The following RNF150 variants were observed in gnomAD, a reference collection of about 807,000 sequenced individuals.
RNF150 encodes ring finger protein 150.
A neutral mutation model predicts 39.3 loss-of-function variants in RNF150; 24 were observed. The ratio of observed to expected loss-of-function variants is 0.61; its 90% CI spans 0.44 to 0.86. The LOEUF (loss-of-function observed/expected upper bound fraction) is 0.86. Ranked by LOEUF, RNF150 falls within the 40% of genes least tolerant of loss-of-function variation. The pLI, the probability that RNF150 is intolerant of heterozygous loss-of-function variation, is 0.00. For missense variants in RNF150, 502 were observed against 587.8 expected (o/e 0.85, Z 1.51); for synonymous variants, 255 against 227.3 (o/e 1.12, Z -1.10).
At position 141,132,271 on chromosome 4, in the gene RNF150, T is replaced by C; in HGVS notation, c.484+54A>G. 6.5e-7 allele frequency: 1 copy of C among 1,540,558 alleles called. No homozygotes were observed. Among genetic ancestry groups the C allele is most frequent in the Non-Finnish European group, 8.8e-7 (1 of 1,138,758 alleles). ...CCTGGAGGCAGGCGCTGGATCCCTC[T>C]AGGCACCTCCGTCCCCGCCGGCTCC... On this transcript the variant is annotated intron_variant, in intron 1 of 6. Transcript: ENST00000515673. The surrounding 1 kb of genome is among the most constrained non-coding windows in gnomAD (Gnocchi z 4.9).
At chr4:140,939,606 TTGTGTGTGTGTGTGTGTGTGTGTGTGTG>T (rs142516967) in intron 4 of RNF150, among the ~76,000 whole-genome samples, 23 of 138,586 alleles carry the variant, frequency 1.7e-4, no homozygotes, top group Middle Eastern at 3.7e-3. Context: ...CAAGTGGAGT[TTGTGTGTGTGTGTGTGTGTGTGTGTGTG>T]TGTGTGTGTG....
chr4:141,016,635 T>C (rs1281514110), intron 1 of RNF150, among the ~76,000 whole-genome samples: 1 of 152,204 alleles, frequency 6.6e-6, no homozygotes, highest in Non-Finnish European at 1.5e-5. Flanking sequence ...CTGCCCTGTA[T>C]CAAAAACATA....
intron 1 of RNF150, among the ~76,000 whole-genome samples, chr4:141,057,404 C>CTTTTAAAAAGTTAATTTTAAAAAGTTAA (rs2110908793): frequency 6.6e-6 from 1 of 151,958 alleles, no homozygotes; most frequent in South Asian, 2.1e-4. Flanking sequence ...GGTGTTACTT[C>CTTTTAAAAAGTTAATTTTAAAAAGTTAA]TTTTAAAAAA....
At chr4:141,120,396 G>A (rs1423926557) in intron 1 of RNF150, among the ~76,000 whole-genome samples, 1 of 152,148 alleles carries the variant, frequency 6.6e-6, no homozygotes, top group Non-Finnish European at 1.5e-5. Flanking sequence ...TGAGGGTGGT[G>A]ACTGGGTACT....
At chr4:141,159,668 A>T (rs1727477869) in intron 1 of RNF150, among the ~76,000 whole-genome samples, 1 of 152,036 alleles carries the variant, frequency 6.6e-6, no homozygotes, top group Admixed American at 6.6e-5. Flanking sequence ...ACAGCCTCCC[A>T]AGTAGCTGGG....
In RNF150 at chr4:141,132,853, G is replaced by A; in HGVS notation, c.-45C>T. On this transcript the variant is annotated 5_prime_UTR_variant, in exon 1 of 7. The change creates a new upstream start codon in the 5' untranslated region. Transcript: ENST00000515673. This position sits in a 1 kb window ranked among gnomAD's most constrained non-coding sequence, Gnocchi z 4.9. ...CTCCCCGCCCCCGCGCCCTCCCTCC[G>A]TCCCGTCCCTCCTCCCCAGCCCCGG... The A allele has an allele frequency of 6.6e-7, 1 of 1,510,488 alleles. No individual in the cohort carries two copies. Among genetic ancestry groups the A allele is most frequent in the East Asian group, 2.3e-5 (1 of 42,750 alleles). The allele number at this position is 1,510,488 out of a possible 1,614,324, so 93.6% of individuals were successfully genotyped here.
chr4:141,070,765 C>G lies in RNF150; in HGVS notation c.484+61560G>C, dbSNP rs1255622776. ...TGGAGAGGATGTGGAGAAATAGGAA[C>G]ACTTTTACACTGTTGGTGGGACTGT... On this transcript the variant is annotated intron_variant, in intron 1 of 6. Coordinates refer to ENST00000515673, the MANE Select transcript of RNF150 (RefSeq NM_020724.2). Among the ~76,000 whole-genome samples, 1,278 of 144,230 alleles carry G rather than the reference C, an allele frequency of 8.9e-3. 12 individuals carry two copies. The highest frequency in any genetic ancestry group is 0.03 in the African/African-American group (1,225 of 40,176). 94.6% of individuals were successfully genotyped at this position (144,230 alleles called of 152,430 possible). A position where few individuals can be genotyped will look rare whatever the true frequency, so the allele number is the denominator to read the frequency against.
At chr4:141,124,870 T>C (rs997250640) in intron 1 of RNF150, among the ~76,000 whole-genome samples, 3 of 152,224 alleles carry the variant, frequency 2.0e-5, no homozygotes, top group African/African-American at 7.2e-5. Context: ...TACAGAATTA[T>C]TTCTAAAATA....
At chr4:141,000,029 G>GAA (rs1560679096) in intron 1 of RNF150, among the ~76,000 whole-genome samples, 798 of 36,316 alleles carry the variant, frequency 0.022, 104 homozygotes, top group Non-Finnish European at 0.036. Context: ...AGAAGAAGAA[G>GAA]AAGAAGAAGA....
intron 2 of RNF150, among the ~76,000 whole-genome samples, chr4:140,959,843 G>A (rs762666347): frequency 1.2e-4 from 19 of 152,046 alleles, no homozygotes; most frequent in African/African-American, 2.2e-4. Context: ...ATATGATTGC[G>A]GGAGAGAGGC....
At chr4:140,930,939 G>GA (rs1731610631) in intron 4 of RNF150, among the ~76,000 whole-genome samples, 1 of 124,282 alleles carries the variant, frequency 8.0e-6, no homozygotes, top group Non-Finnish European at 1.8e-5. Context: ...TGGATCTGCT[G>GA]GGGTTTTTTT....
Position 141,132,476 on chromosome 4 carries a change from C to A in RNF150, c.333G>T (p.Pro111=), listed in dbSNP as rs1286697203. 3 of 1,608,670 alleles carry A rather than the reference C, an allele frequency of 1.9e-6. No homozygotes were observed. The South Asian group carries it at 3.4e-5, about 18-fold the overall frequency. Reference sequence around the variant, plus strand: ...GGGCTATCCAGTTCTTGCCGCGGGTCGGGGCGGCGAACTTGGTGTTGGGGT... The same window carrying A: ...GGGCTATCCAGTTCTTGCCGCGGGTAGGGGCGGCGAACTTGGTGTTGGGGT... ...ACDPNTKFAA[P]TRGKNWIALI... is the part of the protein sequence containing the mutation. The change falls in exon 1 of 7, where the codon CCG becomes CCT. Residue 111 remains proline, a synonymous_variant. Transcript: ENST00000515673. The surrounding 1 kb of genome is among the most constrained non-coding windows in gnomAD (Gnocchi z 4.9).
chr4:141,133,002 C>T lies in RNF150; in HGVS notation c.-194G>A, dbSNP rs909374025. The T allele has an allele frequency of 7.0e-5, 37 of 529,372 alleles. No individual in the cohort carries two copies. Among genetic ancestry groups the T allele is most frequent in the South Asian group, 1.8e-4 (8 of 43,496 alleles). 32.8% of individuals were successfully genotyped at this position (529,372 alleles called of 1,614,324 possible). A position where few individuals can be genotyped will look rare whatever the true frequency, so the allele number is the denominator to read the frequency against. On this transcript the variant is annotated 5_prime_UTR_variant, in exon 1 of 7. Coordinates refer to ENST00000515673, the MANE Select transcript of RNF150 (RefSeq NM_020724.2). ...GCGAGCGGATGGCGCTGGCCCCTTC[C>T]CCTCTCAGCTGTAGCGCGGTGGTTG... is the stretch of plus-strand genomic sequence containing the variant.
chr4:140,928,767 C>T (rs1731497621), intron 4 of RNF150, among the ~76,000 whole-genome samples: 2 of 152,016 alleles, frequency 1.3e-5, no homozygotes, highest in South Asian at 2.1e-4. Context: ...AGGATGGTCT[C>T]GATCTCCTGA....
At chr4:141,117,886 T>C (rs1282366136) in intron 1 of RNF150, among the ~76,000 whole-genome samples, 1 of 152,206 alleles carries the variant, frequency 6.6e-6, no homozygotes, top group Non-Finnish European at 1.5e-5. Flanking sequence ...ATTTAATAAA[T>C]AAGTCTGGAA....
At chr4:141,028,815 CA>C (rs1253891779) in intron 1 of RNF150, among the ~76,000 whole-genome samples, 9 of 152,224 alleles carry the variant, frequency 5.9e-5, no homozygotes, top group South Asian at 4.2e-4. Context: ...TGTTTTCCAA[CA>C]GTGAAAATAA....
chr4:140,888,193 G>C (rs953382346), intron 6 of RNF150, among the ~76,000 whole-genome samples: 4 of 152,164 alleles, frequency 2.6e-5, no homozygotes. Context: ...GGTATGTTGG[G>C]GGATGGGGAG....
chr4:140,943,858 A>G (rs977009893), intron 4 of RNF150, among the ~76,000 whole-genome samples: 4 of 152,210 alleles, frequency 2.6e-5, no homozygotes, highest in African/African-American at 9.6e-5. Flanking sequence ...AATCAAAGAA[A>G]AAAAACAGTA....
chr4:140,979,713 T>C (rs1401592178), intron 1 of RNF150, among the ~76,000 whole-genome samples: 1 of 151,984 alleles, frequency 6.6e-6, no homozygotes, highest in East Asian at 1.9e-4. Context: ...ACCTGGATAT[T>C]GTAGGGACCT....
Sources: gnomAD v4.1 joint callset for allele counts (sites outside exome capture counted in the v4.1 genomes callset) on GRCh38, gnomAD v4.1.1 for gene constraint, Gnocchi (gnomAD v3.1) non-coding constraint, MANE v1.5 for transcripts, NCBI Gene and HGNC (gene_info 2026-07-23, HGNC 2026-07-21) for gene names.